The following MON2 variants were observed in gnomAD, a reference collection of about 807,000 sequenced individuals.
MON2 encodes protein MON2 homolog.
MON2 carries 84 observed loss-of-function variants against 208.6 expected under a neutral mutation model. The observed-to-expected ratio is 0.40, with a 90% CI of 0.34 to 0.48. The LOEUF is 0.48. MON2 is among the 20% of genes least tolerant of loss of function. The pLI is 0.59. For missense variants in MON2, 1,611 were observed against 2,015.4 expected (o/e 0.80, Z 3.84); for synonymous variants, 660 against 694.0 (o/e 0.95, Z 0.77).
chr12:62,573,207 A>G (rs1411922827), intron 30 of MON2, among the ~76,000 whole-genome samples: 1 of 152,222 alleles, frequency 6.6e-6, no homozygotes, highest in Non-Finnish European at 1.5e-5. Context: ...ACTATATTCA[A>G]ACAAATTATG....
chr12:62,474,275 C>T (rs771611968), intron 1 of MON2, among the ~76,000 whole-genome samples: 5 of 151,574 alleles, frequency 3.3e-5, no homozygotes, highest in Admixed American at 2.0e-4. Flanking sequence ...CCTGCCACCA[C>T]GCCCAGCTAA....
intron 16 of MON2, 81 bp downstream of exon 16, chr12:62,537,787 A>T: frequency 8.8e-7 from 1 of 1,139,260 alleles, no homozygotes. Flanking sequence ...ATGTATTTTG[A>T]TGTTTTGGAC....
intron 1 of MON2, among the ~76,000 whole-genome samples, chr12:62,475,125 C>A (rs1030985280): frequency 2.6e-5 from 4 of 151,932 alleles, no homozygotes; most frequent in Admixed American, 6.6e-5. Context: ...GCTTTATCAC[C>A]CTCAAATCTT....
At position 62,532,475 on chromosome 12, in the gene MON2, C is replaced by A. The variant is rs750282927; in HGVS notation, c.1438C>A (p.Pro480Thr). 21 of 1,613,958 alleles carry A rather than the reference C, an allele frequency of 1.3e-5. No homozygotes were observed. The South Asian group carries it at 2.0e-4, about 15-fold the overall frequency. Residue 480 changes from proline to threonine, a missense_variant, in exon 12 of 35, where the codon CCT becomes ACT. Physicochemically the swap from Pro to Thr is conservative, Grantham distance 38. Coordinates refer to ENST00000393630, the MANE Select transcript of MON2 (RefSeq NM_015026.3). Reference protein sequence around the residue: ...MLDKVEPPTIPEGYAMSVAFH... With the variant: ...MLDKVEPPTITEGYAMSVAFH... Reference sequence around the variant, plus strand: ...GGACAAAGTTGAGCCTCCAACTATACCTGAAGGTTACGCCATGTCTGTGGC... The same window carrying A: ...GGACAAAGTTGAGCCTCCAACTATAACTGAAGGTTACGCCATGTCTGTGGC...
At chr12:62,550,443 GC>G (rs1160592267) in intron 23 of MON2, among the ~76,000 whole-genome samples, 3 of 152,112 alleles carry the variant, frequency 2.0e-5, no homozygotes, top group African/African-American at 4.8e-5. Context: ...GATTGCTTGA[GC>G]CCAGGAATTG....
rs2075576634 is a variant in MON2, at chr12:62,598,870, C to T, written c.*6121C>T. The T allele has an allele frequency of 6.6e-6, 1 of 152,142 alleles. No homozygotes were observed. The highest frequency in any genetic ancestry group is 2.4e-5 in the African/African-American group (1 of 41,448). The allele number at this position is 152,142 out of a possible 1,614,324, so 9.4% of individuals were successfully genotyped here. On this transcript the variant is annotated 3_prime_UTR_variant, in exon 35 of 35. Transcript: ENST00000393630. ...GATTGTTTATTTGTTTTACAGCTAA[C>T]ATTAAGCATGATTCCAGGTTTTTAA...
intron 29 of MON2, among the ~76,000 whole-genome samples, chr12:62,569,486 C>T (rs557233370): frequency 1.3e-5 from 2 of 152,262 alleles, no homozygotes; most frequent in African/African-American, 2.4e-5. Context: ...TTGACCATAT[C>T]GTTTCTCTTC....
chr12:62,543,158 T>C lies in MON2; in HGVS notation c.2426T>C (p.Ile809Thr), dbSNP rs909962189. The change falls in exon 20 of 35, where the codon ATA becomes ACA. Residue 809 changes from isoleucine to threonine, a missense_variant. Physicochemically the swap from Ile to Thr is moderately conservative, Grantham distance 89. Coordinates refer to ENST00000393630, the MANE Select transcript of MON2 (RefSeq NM_015026.3). ...LETGLVNMHR[I>T]EILWRPLTGH... Reference sequence around the variant, plus strand: ...ACTGGTTTAGTTAATATGCACCGAATAGAAATTCTGTGGAGACCTCTGACT... The same window carrying C: ...ACTGGTTTAGTTAATATGCACCGAACAGAAATTCTGTGGAGACCTCTGACT... The C allele has an allele frequency of 3.8e-6, 6 of 1,572,600 alleles. No individual in the cohort carries two copies. The East Asian group carries it at 1.2e-4, about 31-fold the overall frequency.
intron 1 of MON2, among the ~76,000 whole-genome samples, chr12:62,472,355 G>A (rs1319487776): frequency 1.3e-5 from 2 of 152,194 alleles, no homozygotes; most frequent in African/African-American, 4.8e-5. Flanking sequence ...GAAGAGTAAA[G>A]GGAAAGAAGT....
rs896784159 is a variant in MON2 at position 62,467,464 on chromosome 12, T to G, written c.111+146T>G. The G allele has an allele frequency of 9.2e-6, 6 of 650,332 alleles. No homozygotes were observed. The South Asian group carries it at 1.1e-4, about 12-fold the overall frequency. The allele number at this position is 650,332 out of a possible 1,614,324, so 40.3% of individuals were successfully genotyped here. On this transcript the variant is annotated intron_variant, in intron 1 of 34. Transcript: ENST00000393630. ...AGTCGGTGGGTTGTTCCACAAGGGC[T>G]TTTTATAGTTTCCACTGGAGAGGGC...
chr12:62,487,125 T>C (rs986173812), intron 2 of MON2, among the ~76,000 whole-genome samples: 4 of 152,168 alleles, frequency 2.6e-5, no homozygotes, highest in Admixed American at 6.5e-5. Flanking sequence ...TGCCAGGTAA[T>C]GTCAGCATTG....
Position 62,595,594 on chromosome 12 carries a change from CTAAT to C in MON2, c.*2847_*2850del, listed in dbSNP as rs1245792127. On this transcript the variant is annotated 3_prime_UTR_variant, in exon 35 of 35. Transcript: ENST00000393630. ...TTTTGTCCATTATAAAGGAAATAAA[CTAAT>C]TGTTAACTTGCATAGATTACTTCTT... is the stretch of plus-strand genomic sequence containing the variant. 1 of 152,162 alleles carries C rather than the reference CTAAT, an allele frequency of 6.6e-6. No homozygotes were observed. Among genetic ancestry groups the C allele is most frequent in the African/African-American group, 2.4e-5 (1 of 41,420 alleles). The allele number at this position is 152,162 out of a possible 1,614,324, so 9.4% of individuals were successfully genotyped here. A position where few individuals can be genotyped will look rare whatever the true frequency, so the allele number is the denominator to read the frequency against.
intron 29 of MON2, among the ~76,000 whole-genome samples, chr12:62,566,936 G>A (rs1019185020): frequency 1.7e-4 from 26 of 152,200 alleles, no homozygotes; most frequent in Admixed American, 9.8e-4. Flanking sequence ...CCCAGTGAGG[G>A]GGTTTCTTAG....
intron 11 of MON2, among the ~76,000 whole-genome samples, chr12:62,530,045 A>T (rs1401432524): frequency 6.6e-6 from 1 of 152,020 alleles, no homozygotes; most frequent in Non-Finnish European, 1.5e-5. Context: ...ATTATTGTTA[A>T]GTGTAGTTAC....
chr12:62,561,323 T>C (rs1346931836), intron 26 of MON2, among the ~76,000 whole-genome samples: 1 of 152,184 alleles, frequency 6.6e-6, no homozygotes, highest in Non-Finnish European at 1.5e-5. Flanking sequence ...ATGTTTTGAA[T>C]CTTAAAGAAG....
At chr12:62,494,923 TCAG>T in intron 3 of MON2, 90 bp from the exon 4 acceptor site, 2 of 841,846 alleles carry the variant, frequency 2.4e-6, no homozygotes, top group Non-Finnish European at 3.4e-6. Flanking sequence ...GAAATCCTCT[TCAG>T]CTGATGTAGG....
chr12:62,515,351 A>G lies in MON2; in HGVS notation c.984+6871A>G, dbSNP rs139187368. On this transcript the variant is annotated intron_variant, in intron 8 of 34. Coordinates refer to ENST00000393630, the MANE Select transcript of MON2 (RefSeq NM_015026.3). Reference sequence around the variant, plus strand: ...CTGGAACTTTGAGGACATTATGCTGAGTGAAATAAGTGAGTCAAGAGGACA... The same window carrying G: ...CTGGAACTTTGAGGACATTATGCTGGGTGAAATAAGTGAGTCAAGAGGACA... Among the ~76,000 whole-genome samples the G allele has an allele frequency of 4.7e-4, 72 of 152,324 alleles. 1 individual carries two copies. Among genetic ancestry groups the G allele is most frequent in the African/African-American group, 1.7e-3 (69 of 41,590 alleles).
At chr12:62,576,679 T>TA (rs1480741945) in intron 30 of MON2, among the ~76,000 whole-genome samples, 1 of 152,004 alleles carries the variant, frequency 6.6e-6, no homozygotes, top group Non-Finnish European at 1.5e-5. Context: ...TTGCCCCTTA[T>TA]AATTTATAGG....
chr12:62,570,806 C>G (rs1312178513), intron 29 of MON2, among the ~76,000 whole-genome samples: 2 of 125,254 alleles, frequency 1.6e-5, no homozygotes, highest in African/African-American at 3.0e-5. Context: ...GATCTCGGCT[C>G]ACTGCAACCT....
Sources: allele counts gnomAD v4.1 joint callset (sites outside exome capture counted in the v4.1 genomes callset), GRCh38; gene constraint gnomAD v4.1.1; transcripts MANE v1.5; gene names NCBI Gene and HGNC (gene_info 2026-07-23, HGNC 2026-07-21).